ERMARD: variants seen among roughly 807,000 people sequenced by gnomAD.
ERMARD encodes the protein ER membrane associated RNA degradation.
In ERMARD, 71 loss-of-function variants were observed where a neutral mutation model predicts 83.9. The observed-to-expected ratio is 0.85, with a 90% CI of 0.70 to 1.03. ERMARD has a LOEUF of 1.03. Among genes scored for constraint, ERMARD ranks in the 50% least tolerant of loss-of-function variants. ERMARD has a pLI of 0.00. For synonymous variants in ERMARD, 284 were observed against 298.6 expected (o/e 0.95, Z 0.50); for missense variants, 838 against 810.9 (o/e 1.03, Z -0.41).
At chr6:169,755,962 AATC>A (rs1224645482) in intron 3 of ERMARD, among the ~76,000 whole-genome samples, 2 of 152,186 alleles carry the variant, frequency 1.3e-5, no homozygotes, top group Non-Finnish European at 2.9e-5. Flanking sequence ...GGAGTGAAGG[AATC>A]ATCATGTCCC....
chr6:169,751,587 C>T, upstream of ERMARD: 1 of 1,601,146 alleles, frequency 6.2e-7, no homozygotes, highest in Non-Finnish European at 8.5e-7. Context: ...GCCAGGGCTC[C>T]AAAGCGCCTG....
At chr6:169,777,211 G>A (rs1030475820) in intron 16 of ERMARD, among the ~76,000 whole-genome samples, 4 of 152,192 alleles carry the variant, frequency 2.6e-5, no homozygotes, top group African/African-American at 9.7e-5. Flanking sequence ...GGCAGAGGAA[G>A]CAATCATATA....
intron 15 of ERMARD, 58 bp from the exon 16 acceptor site, chr6:169,776,397 G>A (rs536456489): frequency 1.4e-5 from 22 of 1,577,674 alleles, no homozygotes; most frequent in Non-Finnish European, 1.8e-5. Flanking sequence ...GGTGCAGAAG[G>A]AGAGTGAGGC....
chr6:169,763,245 G>A (rs1277488514), intron 9 of ERMARD, among the ~76,000 whole-genome samples: 1 of 152,174 alleles, frequency 6.6e-6, no homozygotes, highest in African/African-American at 2.4e-5. Flanking sequence ...GTGCATTTCT[G>A]CCTTTCCCAG....
intron 1 of ERMARD, chr6:169,751,878 C>T (rs1397370632): frequency 1.8e-5 from 12 of 650,366 alleles, no homozygotes; most frequent in Non-Finnish European, 2.6e-5. Context: ...CTGCCGGCCT[C>T]CCTGGGCCAG....
intron 15 of ERMARD, 66 bp downstream of exon 15, chr6:169,776,131 G>A: frequency 1.3e-6 from 2 of 1,590,340 alleles, no homozygotes; most frequent in Non-Finnish European, 1.7e-6. Context: ...AGCAAACTTA[G>A]CATTTTCTAT....
At position 169,775,333 on chromosome 6, in the gene ERMARD, CG is replaced by C; in HGVS notation, c.1383del (p.Gln462LysfsTer5). On this transcript the variant is annotated frameshift_variant, in exon 14 of 18. Transcript: ENST00000366773. LOFTEE classifies it high-confidence loss of function. Reference protein sequence around the residue: ...ALLPFPEELTRQAVRLEDNSE... With the variant: ...ALLPFPEELTXQAVRLEDNSE... ...GCTGCCTTTCCCCGAAGAACTCACT[CG>C]GCAAGCCGTCAGGTGCGTGGCATCC... is the stretch of plus-strand genomic sequence containing the variant. 1 of 1,614,092 alleles carries C rather than the reference CG, an allele frequency of 6.2e-7. No homozygotes were observed.
intron 1 of ERMARD, among the ~76,000 whole-genome samples, chr6:169,752,650 G>A (rs1023485096): frequency 2.0e-4 from 30 of 152,156 alleles, no homozygotes; most frequent in African/African-American, 7.0e-4. Flanking sequence ...TTAGGAAGCT[G>A]CCCAGAGCTA....
intron 14 of ERMARD, among the ~76,000 whole-genome samples, chr6:169,775,614 T>C (rs922677460): frequency 4.0e-5 from 6 of 151,826 alleles, no homozygotes; most frequent in Non-Finnish European, 8.8e-5. Flanking sequence ...CCTGAGTAGA[T>C]AGGAAGAAAG....
At chr6:169,760,585 C>T in intron 7 of ERMARD, 57 bp from the exon 8 acceptor site, 1 of 1,276,782 alleles carries the variant, frequency 7.8e-7, no homozygotes, top group Non-Finnish European at 1.1e-6. Context: ...CAGCATGTTT[C>T]CATCTTTTTT....
At chr6:169,761,262 G>T (rs2128346977) in intron 8 of ERMARD, among the ~76,000 whole-genome samples, 1 of 152,296 alleles carries the variant, frequency 6.6e-6, no homozygotes, top group South Asian at 2.1e-4. Context: ...TGTCCTCCAG[G>T]CTGAAGTGCA....
At chr6:169,763,982 G>A (rs972739744) in intron 9 of ERMARD, among the ~76,000 whole-genome samples, 2 of 152,184 alleles carry the variant, frequency 1.3e-5, no homozygotes, top group African/African-American at 4.8e-5. Context: ...TTTCAGAAAG[G>A]CGTTGTTTCC....
intron 15 of ERMARD, 36 bp downstream of exon 15, chr6:169,776,101 T>C (rs754021999): frequency 9.3e-6 from 15 of 1,606,696 alleles, no homozygotes; most frequent in Admixed American, 1.7e-5. Flanking sequence ...TGTTGAAACA[T>C]TGATTCAGCA....
chr6:169,774,265 G>C (rs1045466831), intron 13 of ERMARD, among the ~76,000 whole-genome samples: 1 of 152,210 alleles, frequency 6.6e-6, no homozygotes, highest in Non-Finnish European at 1.5e-5. Context: ...GTCAGAAGGG[G>C]GTTGTCAACA....
Position 169,768,246 on chromosome 6 carries a change from A to G in ERMARD, c.1059+75A>G. The G allele has an allele frequency of 2.1e-6, 3 of 1,398,648 alleles. No individual in the cohort carries two copies. In the South Asian group the frequency reaches 3.6e-5, roughly 17 times the overall value. 86.6% of individuals were successfully genotyped at this position (1,398,648 alleles called of 1,614,324 possible). A position where few individuals can be genotyped will look rare whatever the true frequency, so the allele number is the denominator to read the frequency against. On this transcript the variant is annotated intron_variant, in intron 11 of 17. Transcript: ENST00000366773. ...GTCAGCACTTCTCTAAAATTAAATTAATTTTGGCTTGTGGTTTGCTCAAGA... is the reference window on the plus strand; with the variant it reads ...GTCAGCACTTCTCTAAAATTAAATTGATTTTGGCTTGTGGTTTGCTCAAGA...
intron 16 of ERMARD, among the ~76,000 whole-genome samples, chr6:169,778,868 G>C (rs1793889157): frequency 6.6e-6 from 1 of 152,256 alleles, no homozygotes; most frequent in Non-Finnish European, 1.5e-5. Context: ...GCTGGGCGCA[G>C]ACTGTACCTG....
chr6:169,756,541 G>A (rs1790840467), intron 4 of ERMARD, 102 bp downstream of exon 4: 1 of 1,032,796 alleles, frequency 9.7e-7, no homozygotes, highest in Admixed American at 2.5e-5. Flanking sequence ...TTTCCTATAA[G>A]ATAAAATCAT....
intron 14 of ERMARD, 66 bp from the exon 15 acceptor site, chr6:169,775,874 T>C: frequency 6.3e-7 from 1 of 1,575,716 alleles, no homozygotes. Flanking sequence ...TTGAACATTC[T>C]TGTGCACAGG....
intron 3 of ERMARD, among the ~76,000 whole-genome samples, chr6:169,755,834 C>T (rs1277875752): frequency 6.6e-6 from 1 of 152,126 alleles, no homozygotes; most frequent in Non-Finnish European, 1.5e-5. Context: ...AATTTGGGGC[C>T]TAACCCAAAA....
Sources: gnomAD v4.1 joint callset for allele counts (sites outside exome capture counted in the v4.1 genomes callset) on GRCh38, gnomAD v4.1.1 for gene constraint, MANE v1.5 for transcripts, NCBI Gene and HGNC (gene_info 2026-07-23, HGNC 2026-07-21) for gene names.